The following SYNE1 variants were observed in gnomAD, a reference collection of about 807,000 sequenced individuals.
The protein encoded by SYNE1 is spectrin repeat containing nuclear envelope protein 1.
SYNE1 carries 616 observed loss-of-function variants against 1,111.0 expected under a neutral mutation model. That is an observed-to-expected ratio of 0.55 (90% CI 0.52 to 0.59). The LOEUF is 0.59. SYNE1 is among the 20% of genes least tolerant of loss of function. The pLI is 0.00. For synonymous variants in SYNE1, 3,855 were observed against 3,825.8 expected (o/e 1.01, Z -0.28); for missense variants, 10,006 against 10,417.0 (o/e 0.96, Z 1.72).
At chr6:152,200,401 T>A (rs1353798129) in intron 127 of SYNE1, among the ~76,000 whole-genome samples, 1 of 152,174 alleles carries the variant, frequency 6.6e-6, no homozygotes, top group East Asian at 1.9e-4. Context: ...CTTTAATAAT[T>A]TTTAATGTAT....
At chr6:152,327,913 C>A (rs1413112827) in intron 78 of SYNE1, among the ~76,000 whole-genome samples, 1 of 152,126 alleles carries the variant, frequency 6.6e-6, no homozygotes, top group Non-Finnish European at 1.5e-5. Context: ...CTTGAATCAA[C>A]ATGAAAAGGT....
Position 152,140,007 on chromosome 6 carries a change from C to T in SYNE1, c.25401G>A (p.Gln8467=), listed in dbSNP as rs1585943330. 1 of 1,614,178 alleles carries T rather than the reference C, an allele frequency of 6.2e-7. No homozygotes were observed. Residue 8467 remains glutamine, a synonymous_variant, in exon 140 of 146, where the codon CAG becomes CAA. Coordinates refer to ENST00000367255, the MANE Select transcript of SYNE1 (RefSeq NM_182961.4). ...GDTEEELEQL[Q]RLELSTDIQT... ...GGATGTCAGTGCTGAGTTCCAGACG[C>T]TGGAGCTGTTCCAACTCCTCCTCCG...
At chr6:152,544,762 A>G (rs1018382407) in intron 3 of SYNE1, among the ~76,000 whole-genome samples, 1 of 152,222 alleles carries the variant, frequency 6.6e-6, no homozygotes, top group African/African-American at 2.4e-5. Flanking sequence ...AGTTATACTA[A>G]TAGTCACCTG....
chr6:152,383,975 C>T (rs115732612), intron 55 of SYNE1, among the ~76,000 whole-genome samples: 1 of 152,224 alleles, frequency 6.6e-6, no homozygotes, highest in Admixed American at 6.5e-5. Context: ...ATCCTTGACT[C>T]TTCCCACCTT....
intron 145 of SYNE1, chr6:152,127,330 T>C (rs2053822317): frequency 6.6e-6 from 1 of 152,184 alleles, no homozygotes; most frequent in South Asian, 2.1e-4. Flanking sequence ...TATAGCCATG[T>C]CATGGGATTC....
At chr6:152,449,903 A>T (rs2098633183) in intron 27 of SYNE1, among the ~76,000 whole-genome samples, 1 of 152,196 alleles carries the variant, frequency 6.6e-6, no homozygotes, top group African/African-American at 2.4e-5. Flanking sequence ...TGAGCACCTG[A>T]AAAGAAGGAA....
At position 152,323,513 on chromosome 6, in the gene SYNE1, C is replaced by A. The variant is rs770022371; in HGVS notation, c.15882G>T (p.Met5294Ile). The A allele has an allele frequency of 5.6e-6, 9 of 1,613,956 alleles. No homozygotes were observed. The highest frequency in any genetic ancestry group is 3.3e-4 in the Middle Eastern group (2 of 6,084). ...GATCTTGCATGGCGGTGATTTCCTG[C>A]ATGAGCGGAGGCTCTTCCCCAGGGG... Reference protein sequence around the residue: ...APTPGEEPPLMQEITAMQDRC... With the variant: ...APTPGEEPPLIQEITAMQDRC... Residue 5294 changes from methionine to isoleucine, a missense_variant, in exon 82 of 146, where the codon ATG becomes ATT. Physicochemically the swap from Met to Ile is conservative, Grantham distance 10 (BLOSUM62 1). This residue lies in a region of SYNE1 where 4,955 missense variants were observed against 5,017.2 expected (regional missense o/e 0.99). Transcript: ENST00000367255.
chr6:152,508,212 T>C (rs2099068174), intron 8 of SYNE1, among the ~76,000 whole-genome samples: 1 of 152,242 alleles, frequency 6.6e-6, no homozygotes, highest in Non-Finnish European at 1.5e-5. Context: ...TGGAATCATG[T>C]GTTCATTACA....
chr6:152,605,482 C>G (rs1339710352), intron 3 of SYNE1, among the ~76,000 whole-genome samples: 1 of 152,158 alleles, frequency 6.6e-6, no homozygotes, highest in East Asian at 1.9e-4. Context: ...ACATCAGAAG[C>G]TATTTTGGAT....
At chr6:152,522,286 A>G (rs1176739074) in intron 5 of SYNE1, among the ~76,000 whole-genome samples, 2 of 152,100 alleles carry the variant, frequency 1.3e-5, no homozygotes, top group Non-Finnish European at 2.9e-5. Context: ...CTTAGCTCTC[A>G]CTTACAAGTG....
At chr6:152,182,289 G>A (rs556499653) in intron 128 of SYNE1, among the ~76,000 whole-genome samples, 21 of 152,262 alleles carry the variant, frequency 1.4e-4, no homozygotes, top group Admixed American at 4.6e-4. Flanking sequence ...TAAACTACAC[G>A]TTGGCAAAAC....
intron 115 of SYNE1, among the ~76,000 whole-genome samples, chr6:152,226,718 C>T (rs1290010947): frequency 6.6e-6 from 1 of 152,050 alleles, no homozygotes; most frequent in African/African-American, 2.4e-5. Flanking sequence ...TCAAGTCATC[C>T]GACCTGTCTT....
At position 152,433,911 on chromosome 6, in the gene SYNE1, C is replaced by T. The variant is rs780844757; in HGVS notation, c.4345G>A (p.Asp1449Asn). 5.6e-6 allele frequency: 9 copies of T among 1,613,592 alleles called. No homozygotes were observed. The highest frequency in any genetic ancestry group is 7.6e-6 in the Non-Finnish European group (9 of 1,179,730). Residue 1449 changes from aspartate to asparagine, a missense_variant, in exon 34 of 146, where the codon GAT becomes AAT. By Grantham distance (23) the Asp-to-Asn change is conservative (BLOSUM62 1). Around this residue, in one of 7 missense-constraint regions of SYNE1, gnomAD observed 1,971 missense variants for 2,084.1 expected, o/e 0.95. Coordinates refer to ENST00000367255, the MANE Select transcript of SYNE1 (RefSeq NM_182961.4). ...KTMEMVKTKW[D>N]HFGSNFETLS... The stretch of plus-strand genomic sequence containing the variant: ...GTCTCAAAATTACTGCCAAAATGAT[C>T]CCACTTGGTTTTCACCATTTCCATG...
At chr6:152,130,454 A>G (rs1248129424) in intron 145 of SYNE1, among the ~76,000 whole-genome samples, 2 of 152,246 alleles carry the variant, frequency 1.3e-5, no homozygotes, top group Admixed American at 1.3e-4. Flanking sequence ...TCAAATCCTT[A>G]TTGACAATTT....
intron 15 of SYNE1, 108 bp from the exon 16 acceptor site, chr6:152,471,873 T>C (rs1222034970): frequency 4.4e-6 from 5 of 1,127,454 alleles, no homozygotes; most frequent in Non-Finnish European, 3.9e-6. Context: ...CCACAAGCTC[T>C]TCTAACTCTG....
At position 152,621,297 on chromosome 6, in the gene SYNE1, A is replaced by G. The variant is rs114611106; in HGVS notation, c.67+6968T>C. 5.3e-3 allele frequency among the ~76,000 whole-genome samples: 807 copies of G among 152,326 alleles called. 7 individuals are homozygous for G. Among genetic ancestry groups the G allele is most frequent in the African/African-American group, 0.018 (766 of 41,562 alleles). On this transcript the variant is annotated intron_variant, in intron 3 of 145. Coordinates refer to ENST00000367255, the MANE Select transcript of SYNE1 (RefSeq NM_182961.4). ...ACTTTAACAGGGAGGTCAAAGAAGT[A>G]ATTTTGCTATATGTGTTTAATGTTA...
chr6:152,198,299 T>A (rs1032368278), intron 127 of SYNE1, among the ~76,000 whole-genome samples: 5 of 152,232 alleles, frequency 3.3e-5, no homozygotes, highest in African/African-American at 1.2e-4. Flanking sequence ...CTTCACAGAA[T>A]TAAAGGGAGT....
chr6:152,151,889 T>C (rs2060486677), intron 134 of SYNE1, 70 bp downstream of exon 134: 1 of 1,574,084 alleles, frequency 6.4e-7, no homozygotes, highest in Non-Finnish European at 8.7e-7. Context: ...AGACTGTGTC[T>C]CAAGACTGCA....
rs1276734285 is a variant in SYNE1, at chr6:152,149,591, C to T, written c.24528G>A (p.Lys8176=). 2 of 1,614,054 alleles carry T rather than the reference C, an allele frequency of 1.2e-6. No individual in the cohort carries two copies. Among genetic ancestry groups the T allele is most frequent in the African/African-American group, 2.7e-5 (2 of 74,934 alleles). Residue 8176 remains lysine (K), a synonymous_variant, in exon 136 of 146, where the codon AAG becomes AAA. Coordinates refer to ENST00000367255, the MANE Select transcript of SYNE1 (RefSeq NM_182961.4). ...IIAQGEQLIE[K]SEPLDAAIIE... Reference sequence around the variant, plus strand: ...TGATCGCTGCATCCAAGGGCTCACTCTTTTCTATCAGCTGTTCTCCTTGGG... The same window carrying T: ...TGATCGCTGCATCCAAGGGCTCACTTTTTTCTATCAGCTGTTCTCCTTGGG...
Sources: allele counts gnomAD v4.1 joint callset (sites outside exome capture counted in the v4.1 genomes callset), GRCh38; gene constraint gnomAD v4.1.1; regional missense constraint gnomAD v4.1.1; transcripts MANE v1.5; gene names NCBI Gene and HGNC (gene_info 2026-07-23, HGNC 2026-07-21).